The following PPFIA2 variants were observed in gnomAD, a reference collection of about 807,000 sequenced individuals.
PPFIA2 encodes liprin-alpha-2.
A neutral mutation model predicts 175.5 loss-of-function variants in PPFIA2; 46 were observed. The observed-to-expected ratio is 0.26, with a 90% CI of 0.21 to 0.34. The LOEUF is 0.34. Ranked by LOEUF, PPFIA2 falls within the 10% of genes least tolerant of loss-of-function variation. The pLI is 1.00. For missense variants in PPFIA2, 1,179 were observed against 1,506.1 expected (o/e 0.78, Z 3.60); for synonymous variants, 568 against 511.4 (o/e 1.11, Z -1.49).
intron 7 of PPFIA2, among the ~76,000 whole-genome samples, chr12:81,433,464 A>G (rs950962143): frequency 3.9e-5 from 6 of 152,176 alleles, no homozygotes; most frequent in African/African-American, 1.4e-4. Flanking sequence ...CTCTTTCACT[A>G]GAGGGCAAGT....
At chr12:81,299,259 A>C (rs1410562251) in intron 23 of PPFIA2, 42 bp downstream of exon 23, 1 of 1,553,298 alleles carries the variant, frequency 6.4e-7, no homozygotes, top group Non-Finnish European at 8.7e-7. Context: ...TTATCAACTT[A>C]GTAGTGATTG....
At chr12:81,568,135 G>C (rs1020818074) in intron 4 of PPFIA2, among the ~76,000 whole-genome samples, 1 of 152,192 alleles carries the variant, frequency 6.6e-6, no homozygotes, top group African/African-American at 2.4e-5. Flanking sequence ...GTACCCACTA[G>C]GGGGTGGATA....
At chr12:81,338,913 T>C (rs1395814285) in intron 21 of PPFIA2, among the ~76,000 whole-genome samples, 3 of 152,152 alleles carry the variant, frequency 2.0e-5, no homozygotes, top group African/African-American at 7.2e-5. Flanking sequence ...ACTGTGCCTG[T>C]CACAAGAGTT....
At chr12:81,496,181 TA>T (rs2147231220) in intron 4 of PPFIA2, among the ~76,000 whole-genome samples, 1 of 152,264 alleles carries the variant, frequency 6.6e-6, no homozygotes, top group East Asian at 1.9e-4. Flanking sequence ...TTGAAGGAGA[TA>T]AGCATTTTAA....
At chr12:81,292,367 G>C (rs1265508270) in intron 24 of PPFIA2, 1 of 151,970 alleles carries the variant, frequency 6.6e-6, no homozygotes, top group Admixed American at 6.6e-5. Context: ...ACACAGGTTT[G>C]AACTGCATCA....
chr12:81,514,490 T>C (rs1379654135), intron 4 of PPFIA2, among the ~76,000 whole-genome samples: 2 of 151,950 alleles, frequency 1.3e-5, no homozygotes, highest in East Asian at 3.9e-4. Flanking sequence ...ATTTTGACAC[T>C]TCTAAGAGTG....
At chr12:81,535,681 T>C (rs1381409515) in intron 4 of PPFIA2, among the ~76,000 whole-genome samples, 1 of 151,418 alleles carries the variant, frequency 6.6e-6, no homozygotes, top group East Asian at 1.9e-4. Context: ...TGTTTCAAAC[T>C]AAAAGAGACT....
At chr12:81,640,176 G>C (rs957719544) in intron 4 of PPFIA2, among the ~76,000 whole-genome samples, 14 of 151,994 alleles carry the variant, frequency 9.2e-5, no homozygotes, top group African/African-American at 3.4e-4. Flanking sequence ...TAAAATTTTG[G>C]AGTGATTTAT....
intron 4 of PPFIA2, among the ~76,000 whole-genome samples, chr12:81,544,509 C>G (rs746800052): frequency 6.6e-6 from 1 of 152,068 alleles, no homozygotes; most frequent in Non-Finnish European, 1.5e-5. Flanking sequence ...TTTTGAATGT[C>G]TCTTTGAACA....
At chr12:81,532,128 A>G (rs1427716290) in intron 4 of PPFIA2, among the ~76,000 whole-genome samples, 3 of 151,826 alleles carry the variant, frequency 2.0e-5, no homozygotes, top group Non-Finnish European at 4.4e-5. Context: ...TGTTATACAG[A>G]AAACTTTTCA....
chr12:81,577,812 G>A (rs541608641), intron 4 of PPFIA2, among the ~76,000 whole-genome samples: 1 of 151,704 alleles, frequency 6.6e-6, no homozygotes, highest in Non-Finnish European at 1.5e-5. Context: ...TTTGGCAGTT[G>A]TATCAGTTAA....
chr12:81,361,796 A>C (rs1312870131), intron 15 of PPFIA2, among the ~76,000 whole-genome samples: 1 of 151,544 alleles, frequency 6.6e-6, no homozygotes, highest in African/African-American at 2.4e-5. Flanking sequence ...ACATAACACC[A>C]AGAAAGATGA....
chr12:81,696,333 A>G (rs1008237556), intron 3 of PPFIA2, among the ~76,000 whole-genome samples: 19 of 152,240 alleles, frequency 1.2e-4, no homozygotes, highest in African/African-American at 4.6e-4. Flanking sequence ...GCAGGAGGAT[A>G]AATCTGGTCT....
chr12:81,345,812 A>G (rs1332805140), intron 18 of PPFIA2, among the ~76,000 whole-genome samples: 1 of 152,156 alleles, frequency 6.6e-6, no homozygotes, highest in African/African-American at 2.4e-5. Context: ...TAACAAAATC[A>G]GATGAATGGT....
chr12:81,338,063 A>G (rs2057404321), intron 21 of PPFIA2, among the ~76,000 whole-genome samples: 1 of 152,130 alleles, frequency 6.6e-6, no homozygotes, highest in East Asian at 1.9e-4. Context: ...TGGGTTTCAC[A>G]CTATGGAAGC....
chr12:81,521,806 C>G (rs1419639810), intron 4 of PPFIA2, among the ~76,000 whole-genome samples: 1 of 146,232 alleles, frequency 6.8e-6, no homozygotes, highest in Non-Finnish European at 1.5e-5. Flanking sequence ...GGCGACAGAG[C>G]AACTCCATCT....
At chr12:81,668,825 G>C (rs1320851005) in intron 4 of PPFIA2, among the ~76,000 whole-genome samples, 1 of 151,978 alleles carries the variant, frequency 6.6e-6, no homozygotes, top group Non-Finnish European at 1.5e-5. Flanking sequence ...GGGTTTTAAA[G>C]ATAACTATGA....
At chr12:81,521,747 G>A (rs1231116066) in intron 4 of PPFIA2, among the ~76,000 whole-genome samples, 2 of 151,566 alleles carry the variant, frequency 1.3e-5, no homozygotes, top group Non-Finnish European at 2.9e-5. Context: ...GTGAACACGG[G>A]AGGCGGAGCT....
intron 3 of PPFIA2, among the ~76,000 whole-genome samples, chr12:81,744,772 G>C (rs765186538): frequency 6.6e-6 from 1 of 152,178 alleles, no homozygotes; most frequent in Non-Finnish European, 1.5e-5. Flanking sequence ...AGGGTTTCCA[G>C]AGGACTTTAA....
Sources: allele counts gnomAD v4.1 joint callset (sites outside exome capture counted in the v4.1 genomes callset), GRCh38; gene constraint gnomAD v4.1.1; transcripts MANE v1.5; gene names NCBI Gene and HGNC (gene_info 2026-07-23, HGNC 2026-07-21).